CDK14: variants seen among roughly 807,000 people sequenced by gnomAD.
CDK14 encodes the protein cyclin-dependent kinase 14.
A neutral mutation model predicts 60.7 loss-of-function variants in CDK14; 34 were observed. The observed-to-expected ratio is 0.56, with a 90% CI of 0.43 to 0.75. CDK14 has a LOEUF of 0.75. CDK14 is among the 30% of genes least tolerant of loss of function. The pLI is 0.00. For synonymous variants in CDK14, 197 were observed against 203.7 expected (o/e 0.97, Z 0.28); for missense variants, 482 against 564.1 (o/e 0.85, Z 1.47).
intron 11 of CDK14, among the ~76,000 whole-genome samples, chr7:91,068,184 A>G (rs1214248977): frequency 6.6e-6 from 1 of 152,212 alleles, no homozygotes; most frequent in African/African-American, 2.4e-5. Flanking sequence ...CATCTTGTAA[A>G]ATGCAGCCTA....
intron 8 of CDK14, among the ~76,000 whole-genome samples, chr7:90,933,363 A>G: frequency 6.6e-6 from 1 of 152,216 alleles, no homozygotes; most frequent in Non-Finnish European, 1.5e-5. Context: ...GGTATTGATA[A>G]TGATGATGAT....
chr7:90,963,582 A>G (rs986574117), intron 9 of CDK14, among the ~76,000 whole-genome samples: 1 of 152,108 alleles, frequency 6.6e-6, no homozygotes, highest in African/African-American at 2.4e-5. Flanking sequence ...GAGACTCTCT[A>G]AAAGAAAATG....
chr7:90,997,854 G>A (rs1354622911), intron 10 of CDK14, among the ~76,000 whole-genome samples: 4 of 152,162 alleles, frequency 2.6e-5, no homozygotes, highest in Non-Finnish European at 5.9e-5. Flanking sequence ...AGTGTCTTTA[G>A]TAAGCCTGAC....
At chr7:91,034,178 A>G (rs1796845164) in intron 10 of CDK14, among the ~76,000 whole-genome samples, 1 of 152,070 alleles carries the variant, frequency 6.6e-6, no homozygotes, top group African/African-American at 2.4e-5. Flanking sequence ...AAATCTCTGA[A>G]CTGTATAACT....
At chr7:90,680,291 T>A (rs1801287840) in intron 2 of CDK14, among the ~76,000 whole-genome samples, 1 of 152,172 alleles carries the variant, frequency 6.6e-6, no homozygotes, top group Non-Finnish European at 1.5e-5. Context: ...GAGATGAATT[T>A]AAATTTGGTT....
intron 8 of CDK14, among the ~76,000 whole-genome samples, chr7:90,932,578 A>T (rs79202166): frequency 0.01 from 1,594 of 152,274 alleles, 61 homozygotes; most frequent in Admixed American, 0.073. Flanking sequence ...CTAGATTAAG[A>T]ACAAATTTTG....
chr7:90,622,473 G>A (rs1022343104), intron 2 of CDK14, among the ~76,000 whole-genome samples: 2 of 152,194 alleles, frequency 1.3e-5, no homozygotes. Context: ...GAAGTCCTCA[G>A]CATGCAATTG....
chr7:90,692,090 G>T (rs1801564624), intron 2 of CDK14, among the ~76,000 whole-genome samples: 1 of 152,134 alleles, frequency 6.6e-6, no homozygotes, highest in African/African-American at 2.4e-5. Context: ...ATGAAATATG[G>T]TGTGCTCCAA....
intron 2 of CDK14, among the ~76,000 whole-genome samples, chr7:90,725,248 C>T (rs993380168): frequency 7.9e-5 from 12 of 152,096 alleles, no homozygotes; most frequent in African/African-American, 2.7e-4. Context: ...GCTAATCTTG[C>T]CCGTTCAATT....
At chr7:90,766,914 G>A (rs1011713642) in intron 4 of CDK14, among the ~76,000 whole-genome samples, 1 of 152,112 alleles carries the variant, frequency 6.6e-6, no homozygotes. Context: ...ACACACAGCT[G>A]CACGGCCAGC....
intron 2 of CDK14, among the ~76,000 whole-genome samples, chr7:90,610,767 TATTAG>T (rs1429506156): frequency 6.6e-6 from 1 of 152,214 alleles, no homozygotes; most frequent in Non-Finnish European, 1.5e-5. Flanking sequence ...ATACAAGTCA[TATTAG>T]ATTAGGGGCT....
chr7:91,160,293 A>G (rs1801128434), intron 14 of CDK14, among the ~76,000 whole-genome samples: 1 of 152,134 alleles, frequency 6.6e-6, no homozygotes. Context: ...GTGAGCTACA[A>G]TTTATTGTGC....
At chr7:90,766,524 A>G (rs1804570635) in intron 4 of CDK14, among the ~76,000 whole-genome samples, 1 of 152,200 alleles carries the variant, frequency 6.6e-6, no homozygotes, top group South Asian at 2.1e-4. Flanking sequence ...TTTGCCTACA[A>G]TCACACAGCT....
At chr7:91,105,918 A>G (rs1310562913) in intron 12 of CDK14, among the ~76,000 whole-genome samples, 1 of 152,230 alleles carries the variant, frequency 6.6e-6, no homozygotes, top group Non-Finnish European at 1.5e-5. Flanking sequence ...AGCATATTAG[A>G]TGCAATTGAT....
intron 8 of CDK14, among the ~76,000 whole-genome samples, chr7:90,933,768 A>G (rs755552764): frequency 6.6e-6 from 1 of 152,204 alleles, no homozygotes; most frequent in Non-Finnish European, 1.5e-5. Flanking sequence ...GGTTTATGTT[A>G]TGGTAATATT....
intron 8 of CDK14, among the ~76,000 whole-genome samples, chr7:90,931,521 C>T (rs1479421955): frequency 1.3e-5 from 2 of 152,208 alleles, no homozygotes; most frequent in African/African-American, 2.4e-5. Context: ...CTGCAAGCTG[C>T]TCTGTCCTTC....
intron 4 of CDK14, among the ~76,000 whole-genome samples, chr7:90,784,258 G>A (rs1039770199): frequency 6.6e-5 from 10 of 152,176 alleles, no homozygotes; most frequent in African/African-American, 2.4e-4. Flanking sequence ...GGTTACTGGA[G>A]GTTGACAAGG....
At chr7:90,835,937 C>T (rs1193549358) in intron 5 of CDK14, among the ~76,000 whole-genome samples, 1 of 152,012 alleles carries the variant, frequency 6.6e-6, no homozygotes, top group Non-Finnish European at 1.5e-5. Context: ...AATTGTAACA[C>T]AATGGTAAGT....
chr7:90,773,560 G>A (rs893738824), intron 4 of CDK14, among the ~76,000 whole-genome samples: 5 of 152,202 alleles, frequency 3.3e-5, no homozygotes, highest in African/African-American at 7.2e-5. Context: ...ATTCTAGAGT[G>A]CAGTGGCAAA....
Sources: gnomAD v4.1 joint callset for allele counts (sites outside exome capture counted in the v4.1 genomes callset) on GRCh38, gnomAD v4.1.1 for gene constraint, MANE v1.5 for transcripts, NCBI Gene and HGNC (gene_info 2026-07-23, HGNC 2026-07-21) for gene names.